THBS4: variants seen among roughly 807,000 people sequenced by gnomAD.
The protein encoded by THBS4 is thrombospondin 4.
Under a neutral mutation model 115.7 loss-of-function variants are expected in THBS4, and 90 were observed. The ratio of observed to expected loss-of-function variants is 0.78; its 90% confidence interval spans 0.66 to 0.93. THBS4 has a LOEUF of 0.93. Among genes scored for constraint, THBS4 ranks in the 40% least tolerant of loss-of-function variants. The pLI, the probability that THBS4 is intolerant of heterozygous loss-of-function variation, is 0.00. For missense variants in THBS4, 1,087 were observed against 1,232.7 expected (o/e 0.88, Z 1.77); for synonymous variants, 460 against 479.3 (o/e 0.96, Z 0.53).
At chr5:80,077,858 G>A (rs1265809133) in intron 16 of THBS4, among the ~76,000 whole-genome samples, 191 bp from the exon 17 acceptor site, 1 of 152,164 alleles carries the variant, frequency 6.6e-6, no homozygotes, top group Non-Finnish European at 1.5e-5. Flanking sequence ...CCCAGTACAA[G>A]GACTCCAGAA....
At chr5:80,071,227 T>C in intron 13 of THBS4, 47 bp downstream of exon 13, 1 of 1,538,932 alleles carries the variant, frequency 6.5e-7, no homozygotes, top group African/African-American at 1.4e-5. Flanking sequence ...CAGTTGACCT[T>C]GTTCCATTGT....
At chr5:80,028,799 G>A (rs1439191488) in intron 2 of THBS4, among the ~76,000 whole-genome samples, 1 of 152,042 alleles carries the variant, frequency 6.6e-6, no homozygotes, top group African/African-American at 2.4e-5. Context: ...GCATCCTTAA[G>A]TATTTATTTC....
intron 2 of THBS4, among the ~76,000 whole-genome samples, chr5:80,054,231 T>C (rs1218990659): frequency 6.7e-6 from 1 of 149,504 alleles, no homozygotes; most frequent in Non-Finnish European, 1.5e-5. Flanking sequence ...CATGGCTCAC[T>C]GCAGCCTCAA....
chr5:80,067,349 CAT>C (rs1301370338), intron 9 of THBS4: 1 of 151,544 alleles, frequency 6.6e-6, no homozygotes, highest in African/African-American at 2.4e-5. Flanking sequence ...ATTTTTTAAA[CAT>C]ATTGTATAAT....
At chr5:80,055,739 C>G in intron 2 of THBS4, 46 bp from the exon 3 acceptor site, 1 of 1,579,250 alleles carries the variant, frequency 6.3e-7, no homozygotes, top group Non-Finnish European at 8.6e-7. Flanking sequence ...TCCACTTCCC[C>G]CTCTGCCACT....
chr5:80,026,547 T>C (rs1832479962), intron 2 of THBS4, among the ~76,000 whole-genome samples: 2 of 152,212 alleles, frequency 1.3e-5, no homozygotes, highest in Non-Finnish European at 2.9e-5. Flanking sequence ...CCACATGGGC[T>C]CTGTTACAAC....
chr5:80,081,575 G>A (rs2112178415), intron 20 of THBS4, among the ~76,000 whole-genome samples: 1 of 152,310 alleles, frequency 6.6e-6, no homozygotes, highest in South Asian at 2.1e-4. Flanking sequence ...TGACTTAAAT[G>A]TTTGTTACAC....
rs1743373552 is a variant in THBS4 at position 80,079,253 on chromosome 5, C to T, written c.2506C>T (p.Leu836Phe). The T allele has an allele frequency of 1.2e-6, 2 of 1,608,100 alleles. No individual in the cohort carries two copies. Among genetic ancestry groups the T allele is most frequent in the Non-Finnish European group, 1.7e-6 (2 of 1,176,786 alleles). The change falls in exon 19 of 22, where the codon CTC becomes TTC. Residue 836 changes from leucine (L) to phenylalanine (F), a missense_variant. By Grantham distance (22) the Leu-to-Phe change is conservative. This residue lies in a region of THBS4 where 979 missense variants were observed against 1,103.7 expected (regional missense o/e 0.89). Transcript: ENST00000350881. The part of the protein sequence containing the change: ...FRAVAEPGIQ[L>F]KAVKSKTGPG... ...AGCAGTTGCAGAACCTGGCATTCAG[C>T]TCAAGGTATTGGTGGTTTGAAGTCA...
rs368560853 is a variant in THBS4 at position 80,059,676 on chromosome 5, C to T, written c.785-27C>T. On this transcript the variant is annotated intron_variant, in intron 6 of 21. Transcript: ENST00000350881. ...CTGTATATCTTCCTGGCGGTGAATA[C>T]GCCTGTGGATGATTGTTTTTCTCTA... 2.2e-5 allele frequency: 35 copies of T among 1,611,302 alleles called. No homozygotes were observed. In the African/African-American group the frequency reaches 2.4e-4, roughly 11 times the overall value.
chr5:80,015,088 A>C (rs757135078), intron 2 of THBS4, among the ~76,000 whole-genome samples: 3 of 152,254 alleles, frequency 2.0e-5, no homozygotes, highest in Non-Finnish European at 2.9e-5. Context: ...GAAACTTTAC[A>C]TCTTCTAAAA....
intron 2 of THBS4, among the ~76,000 whole-genome samples, chr5:80,005,670 G>T (rs1225095788): frequency 1.3e-5 from 2 of 152,000 alleles, no homozygotes; most frequent in Admixed American, 1.3e-4. Flanking sequence ...CTTCTGCCTG[G>T]CTGGCAGAGC....
chr5:80,053,002 T>G (rs1833301620), intron 2 of THBS4: 1 of 152,292 alleles, frequency 6.6e-6, no homozygotes, highest in South Asian at 2.1e-4. Context: ...TTATTATTTT[T>G]ATATACAAGT....
intron 2 of THBS4, among the ~76,000 whole-genome samples, chr5:80,047,083 T>A (rs994671866): frequency 2.6e-5 from 4 of 152,208 alleles, no homozygotes; most frequent in African/African-American, 9.7e-5. Flanking sequence ...CAAATCCTAA[T>A]CAGTGTTGAG....
At chr5:79,995,635 TAA>T (rs1262439360) in intron 1 of THBS4, among the ~76,000 whole-genome samples, 3 of 152,086 alleles carry the variant, frequency 2.0e-5, no homozygotes, top group Non-Finnish European at 4.4e-5. Context: ...GAAATTGCCC[TAA>T]GAGTTGAGGC....
At chr5:80,014,022 C>T (rs1023978153) in intron 2 of THBS4, among the ~76,000 whole-genome samples, 5 of 152,158 alleles carry the variant, frequency 3.3e-5, no homozygotes, top group African/African-American at 1.2e-4. Context: ...TGTCTCCTTG[C>T]CCAGCTTGCC....
At chr5:80,008,003 G>A (rs957023521) in intron 2 of THBS4, among the ~76,000 whole-genome samples, 8 of 152,146 alleles carry the variant, frequency 5.3e-5, no homozygotes, top group Admixed American at 1.3e-4. Context: ...CTGGGCCCAG[G>A]TCTGGAATAA....
Position 80,077,019 on chromosome 5 carries a change from T to C in THBS4, c.2057T>C (p.Val686Ala), listed in dbSNP as rs1371702328. 1 of 1,609,832 alleles carries C rather than the reference T, an allele frequency of 6.2e-7. No homozygotes were observed. Among genetic ancestry groups the C allele is most frequent in the Non-Finnish European group, 8.5e-7 (1 of 1,177,804 alleles). The change falls in exon 16 of 22, where the codon GTC (valine) becomes GCC (alanine). Residue 686 changes from valine to alanine, a missense_variant. Transcript: ENST00000350881. ...CCTGGACCAGACAACTGCCGGCTGG[T>C]CCCCAACCCAGCCCAGGAGGATAGC... ...VPPGPDNCRL[V>A]PNPAQEDSNS...
In THBS4 at chr5:80,035,653, G is replaced by A; in HGVS notation, c.88+28G>A. 2 of 1,308,098 alleles carry A rather than the reference G, an allele frequency of 1.5e-6. No homozygotes were observed. The highest frequency in any genetic ancestry group is 3.1e-5 in the East Asian group (1 of 32,256). The allele number at this position is 1,308,098 out of a possible 1,614,324, so 81.0% of individuals were successfully genotyped here. A position where few individuals can be genotyped will look rare whatever the true frequency, so the allele number is the denominator to read the frequency against. On this transcript the variant is annotated intron_variant, in intron 1 of 21. Coordinates refer to ENST00000350881, the MANE Select transcript of THBS4 (RefSeq NM_003248.6). This position sits in a 1 kb window ranked among gnomAD's most constrained non-coding sequence, Gnocchi z 4.6. ...AAGTGGGTTCGGGTCGGGCCTGGGA[G>A]CGCCGGGCACCGGGTGCCCCATCTG...
chr5:80,070,714 C>T lies in THBS4; in HGVS notation c.1524C>T (p.Asp508=), dbSNP rs763060561. The change falls in exon 12 of 22, where the codon GAC becomes GAT. Residue 508 remains aspartate, a synonymous_variant. Transcript: ENST00000350881. Reference sequence around the variant, plus strand: ...GAGATGGCATTGGCGACGCTTGTGACGAGGATGCTGACGGAGATGGGATCC... The same window carrying T: ...GAGATGGCATTGGCGACGCTTGTGATGAGGATGCTGACGGAGATGGGATCC... ...ADRDGIGDAC[D]EDADGDGILN... is the part of the protein sequence containing the mutation. 17 of 1,614,038 alleles carry T rather than the reference C, an allele frequency of 1.1e-5. No individual in the cohort carries two copies. The highest frequency in any genetic ancestry group is 7.7e-5 in the South Asian group (7 of 91,090).
Sources: gnomAD v4.1 joint callset for allele counts (sites outside exome capture counted in the v4.1 genomes callset) on GRCh38, gnomAD v4.1.1 for gene constraint, gnomAD v4.1.1 regional missense constraint, Gnocchi (gnomAD v3.1) non-coding constraint, MANE v1.5 for transcripts, NCBI Gene and HGNC (gene_info 2026-07-23, HGNC 2026-07-21) for gene names.